GLG1: variants seen among roughly 807,000 people sequenced by gnomAD.
The protein encoded by GLG1 is golgi glycoprotein 1, also known as Golgi apparatus protein 1.
A neutral mutation model predicts 160.5 loss-of-function variants in GLG1; 38 were observed. The ratio of observed to expected loss-of-function variants is 0.24; its 90% CI spans 0.18 to 0.31. The LOEUF is 0.31. Ranked by LOEUF, GLG1 falls within the 10% of genes least tolerant of loss-of-function variation. GLG1 has a pLI of 1.00. For missense variants in GLG1, 1,373 were observed against 1,505.2 expected (o/e 0.91, Z 1.45); for synonymous variants, 644 against 543.4 (o/e 1.19, Z -2.57).
Position 74,508,790 on chromosome 16 carries a change from T to G in GLG1, c.558+49A>C, listed in dbSNP as rs749176500. 3.8e-6 allele frequency: 3 copies of G among 796,820 alleles called. No individual in the cohort carries two copies. In the South Asian group the frequency reaches 4.1e-5, roughly 11 times the overall value. The allele number at this position is 796,820 out of a possible 1,614,324, so 49.4% of individuals were successfully genotyped here. A position where few individuals can be genotyped will look rare whatever the true frequency, so the allele number is the denominator to read the frequency against. On this transcript the variant is annotated intron_variant, in intron 3 of 25. Coordinates refer to ENST00000422840, the MANE Select transcript of GLG1 (RefSeq NM_001145667.2). ...CTTCTCATAAGGGCTGGTCTGGTAA[T>G]TTTCTCCTCTAAGCCATTAGTTGTC...
At chr16:74,514,040 T>G (rs986967411) in intron 2 of GLG1, among the ~76,000 whole-genome samples, 5 of 152,046 alleles carry the variant, frequency 3.3e-5, no homozygotes, top group African/African-American at 1.2e-4. Context: ...AAATGATCAG[T>G]GATTGAAGAT....
chr16:74,463,594 C>T, intron 19 of GLG1, 115 bp from the exon 20 acceptor site: 2 of 1,016,156 alleles, frequency 2.0e-6, no homozygotes, highest in Non-Finnish European at 2.9e-6. Flanking sequence ...GGCTGGAGTG[C>T]AGTGGCGCAA....
intron 1 of GLG1, among the ~76,000 whole-genome samples, chr16:74,605,501 G>C (rs1215665984): frequency 6.6e-6 from 1 of 152,144 alleles, no homozygotes; most frequent in Non-Finnish European, 1.5e-5. Context: ...ATCTACCAGA[G>C]GACTATCCCT....
intron 1 of GLG1, among the ~76,000 whole-genome samples, chr16:74,592,192 G>C (rs1201897262): frequency 1.3e-5 from 2 of 152,154 alleles, no homozygotes; most frequent in East Asian, 3.9e-4. Context: ...ATCCAGGTTG[G>C]AGTGCAATAG....
chr16:74,603,470 G>A (rs1053834935), intron 1 of GLG1, among the ~76,000 whole-genome samples: 1 of 151,312 alleles, frequency 6.6e-6, no homozygotes, highest in Non-Finnish European at 1.5e-5. Context: ...TAGAGACGGT[G>A]TCTCACTATG....
rs1156311036 is a variant in GLG1, at chr16:74,449,096, T to C, written c.*4071A>G. ...AGCCTGGCAACGGAGTGAGACTCCA[T>C]CTCAGAAACAAAACAAAAAACCAAA... On this transcript the variant is annotated 3_prime_UTR_variant, in exon 26 of 26. Coordinates refer to ENST00000422840, the MANE Select transcript of GLG1 (RefSeq NM_001145667.2). The C allele has an allele frequency of 6.6e-6, 1 of 152,180 alleles. No homozygotes were observed. The highest frequency in any genetic ancestry group is 1.5e-5 in the Non-Finnish European group (1 of 68,096). The allele number at this position is 152,180 out of a possible 1,614,324, so 9.4% of individuals were successfully genotyped here. A position where few individuals can be genotyped will look rare whatever the true frequency, so the allele number is the denominator to read the frequency against.
chr16:74,588,545 A>C lies in GLG1; in HGVS notation c.438+18112T>G, dbSNP rs6564146. Among the ~76,000 whole-genome samples, 3 of 151,750 alleles carry C rather than the reference A, an allele frequency of 2.0e-5. 1 individual carries two copies. The highest frequency in any genetic ancestry group is 7.3e-5 in the African/African-American group (3 of 41,290). On this transcript the variant is annotated intron_variant, in intron 1 of 25. Transcript: ENST00000422840. ...GGTGATGCTCCCACCTCAGCCTCAC[A>C]AGTAGCCAGGACTACAGGCTCTCAC...
intron 1 of GLG1, among the ~76,000 whole-genome samples, chr16:74,567,061 G>C (rs996831188): frequency 2.0e-5 from 3 of 152,032 alleles, no homozygotes; most frequent in Admixed American, 1.3e-4. Context: ...AAGAATCTAA[G>C]AAAACCTTTC....
chr16:74,491,628 G>T (rs1182869157), intron 7 of GLG1, among the ~76,000 whole-genome samples: 1 of 144,830 alleles, frequency 6.9e-6, no homozygotes, highest in African/African-American at 2.5e-5. Flanking sequence ...AAATGCCAAT[G>T]GGGAAAACTT....
intron 1 of GLG1, among the ~76,000 whole-genome samples, chr16:74,576,438 G>A (rs2019006588): frequency 6.6e-6 from 1 of 152,140 alleles, no homozygotes; most frequent in Non-Finnish European, 1.5e-5. Context: ...TATAGTCTAA[G>A]ACACGTGTCA....
Position 74,467,827 on chromosome 16 carries a change from G to T in GLG1, c.2458C>A (p.Pro820Thr). 6.2e-7 allele frequency: 1 copy of T among 1,612,726 alleles called. No individual in the cohort carries two copies. Among genetic ancestry groups the T allele is most frequent in the South Asian group, 1.1e-5 (1 of 90,930 alleles). ...LEMTEDIRLE[P>T]DLYEACKSDI... is the part of the protein sequence containing the mutation. ...CTCTTGCAGGCTTCGTATAGATCTG[G>T]CTCCAAGCGGATGTCCTCCGTCTGC... Residue 820 changes from proline (P) to threonine (T), a missense_variant, in exon 18 of 26, where the codon CCA becomes ACA. Coordinates refer to ENST00000422840, the MANE Select transcript of GLG1 (RefSeq NM_001145667.2).
intron 9 of GLG1, among the ~76,000 whole-genome samples, chr16:74,484,611 A>T (rs2143335439): frequency 6.6e-6 from 1 of 152,150 alleles, no homozygotes; most frequent in South Asian, 2.1e-4. Context: ...AAACACAAAA[A>T]TTAGCTGGGC....
chr16:74,532,135 A>G lies in GLG1; in HGVS notation c.457T>C (p.Ser153Pro), dbSNP rs778993070. 1.0e-5 allele frequency: 14 copies of G among 1,399,466 alleles called. No homozygotes were observed. The highest frequency in any genetic ancestry group is 1.8e-5 in the South Asian group (1 of 56,528). The allele number at this position is 1,399,466 out of a possible 1,614,324, so 86.7% of individuals were successfully genotyped here. Residue 153 changes from serine (S) to proline (P), a missense_variant, in exon 2 of 26, where the codon TCA (serine) becomes CCA (proline). Ser to Pro is a moderately conservative substitution (Grantham distance 74, BLOSUM62 -1). Coordinates refer to ENST00000422840, the MANE Select transcript of GLG1 (RefSeq NM_001145667.2). ...TCCATACTTACATGATTGCAGTCTG[A>G]AGAAATTTCATTTTCAGGCTAGAAG... ...DVREPENEISSDCNHLLWNYK... is the reference protein window; with the variant it reads ...DVREPENEISPDCNHLLWNYK...
chr16:74,540,001 A>ATAT (rs1555514269), intron 1 of GLG1, among the ~76,000 whole-genome samples: 252 of 908 alleles, frequency 0.28, 106 homozygotes, highest in East Asian at 1. Context: ...TATATTTTAT[A>ATAT]TATATATATT....
At chr16:74,456,449 C>A (rs981186098) in intron 25 of GLG1, 200 bp downstream of exon 25, 11 of 534,420 alleles carry the variant, frequency 2.1e-5, no homozygotes, top group Non-Finnish European at 3.6e-5. Flanking sequence ...CGCGAGCCAC[C>A]GCGCCCGGCC....
Position 74,606,705 on chromosome 16 carries a change from G to C in GLG1, c.390C>G (p.Thr130=), listed in dbSNP as rs747643506. The change falls in exon 1 of 26, where the codon ACC becomes ACG. Residue 130 remains threonine, a synonymous_variant. Coordinates refer to ENST00000422840, the MANE Select transcript of GLG1 (RefSeq NM_001145667.2). Reference sequence around the variant, plus strand: ...CGAGCACCGCCAGGTTGTTGCTCCAGGTGTGCTTAGGGCACACGCGGGTCA... The same window carrying C: ...CGAGCACCGCCAGGTTGTTGCTCCACGTGTGCTTAGGGCACACGCGGGTCA... ...EDVTRVCPKH[T]WSNNLAVLEC... 13 of 1,608,780 alleles carry C rather than the reference G, an allele frequency of 8.1e-6. No homozygotes were observed. The highest frequency in any genetic ancestry group is 9.3e-6 in the Non-Finnish European group (11 of 1,176,630).
chr16:74,468,846 C>T (rs1447326155), intron 17 of GLG1, 100 bp downstream of exon 17: 6 of 750,114 alleles, frequency 8.0e-6, no homozygotes, highest in East Asian at 2.5e-5. Context: ...TTAACCATCA[C>T]AGTAGTGGAT....
rs943894347 is a variant in GLG1 at position 74,491,349 on chromosome 16, T to C, written c.1235-134A>G. ...ATCAGACATGCTAACATCTGAAAAG[T>C]TTAGAATTAGCAAAAGCTTTAGCAG... On this transcript the variant is annotated intron_variant, in intron 7 of 25. Transcript: ENST00000422840. The C allele has an allele frequency of 1.3e-5, 9 of 694,536 alleles. No individual in the cohort carries two copies. In the Admixed American group the frequency reaches 1.8e-4, roughly 14 times the overall value. 43.0% of individuals were successfully genotyped at this position (694,536 alleles called of 1,614,324 possible).
chr16:74,551,991 TAA>T (rs2018212275), intron 1 of GLG1, among the ~76,000 whole-genome samples: 1 of 151,720 alleles, frequency 6.6e-6, no homozygotes, highest in African/African-American at 2.4e-5. Flanking sequence ...ACCGAAGAGT[TAA>T]GTTTAATCTA....
Sources: gnomAD v4.1 joint callset for allele counts (sites outside exome capture counted in the v4.1 genomes callset) on GRCh38, gnomAD v4.1.1 for gene constraint, MANE v1.5 for transcripts, NCBI Gene and HGNC (gene_info 2026-07-23, HGNC 2026-07-21) for gene names.